PRKACB: variants seen among roughly 807,000 people sequenced by gnomAD.
PRKACB encodes the protein cAMP-dependent protein kinase catalytic subunit beta.
PRKACB carries 16 observed loss-of-function variants against 51.4 expected under a neutral mutation model. That is an observed-to-expected ratio of 0.31 (90% confidence interval 0.21 to 0.47). The LOEUF is 0.47. Ranked by LOEUF, PRKACB falls within the 20% of genes least tolerant of loss-of-function variation. The pLI is 1.00. For synonymous variants in PRKACB, 147 were observed against 154.4 expected (o/e 0.95, Z 0.35); for missense variants, 309 against 464.5 (o/e 0.67, Z 3.08).
chr1:84,212,068 T>C (rs1672214935), intron 8 of PRKACB, among the ~76,000 whole-genome samples: 2 of 152,216 alleles, frequency 1.3e-5, no homozygotes, highest in Admixed American at 1.3e-4. Flanking sequence ...TCTGGTATGA[T>C]AATGATTTCA....
chr1:84,136,884 C>T (rs949222909), intron 1 of PRKACB, among the ~76,000 whole-genome samples: 2 of 152,250 alleles, frequency 1.3e-5, no homozygotes, highest in South Asian at 2.1e-4. Flanking sequence ...TCCCCATAAT[C>T]GCCATGTGTC....
chr1:84,112,454 C>G (rs1041988434), intron 1 of PRKACB, among the ~76,000 whole-genome samples: 1 of 151,978 alleles, frequency 6.6e-6, no homozygotes, highest in Non-Finnish European at 1.5e-5. Flanking sequence ...CCAGGCTGGT[C>G]TCGAACTCCT....
At chr1:84,164,513 T>C (rs1656766726) in intron 1 of PRKACB, 4 of 1,497,766 alleles carry the variant, frequency 2.7e-6, no homozygotes, top group African/African-American at 1.4e-5. Flanking sequence ...ATCTGGTAAT[T>C]TATAATCATG....
chr1:84,177,406 T>C (rs913835136), intron 1 of PRKACB, among the ~76,000 whole-genome samples: 17 of 152,070 alleles, frequency 1.1e-4, no homozygotes, highest in Admixed American at 9.2e-4. Flanking sequence ...CATTCATTTT[T>C]AGAAGCAAGG....
rs189053390 is a variant in PRKACB, at chr1:84,156,629, C to A, written c.187+12081C>A. On this transcript the variant is annotated intron_variant, in intron 1 of 9. Transcript: ENST00000370685. ...TGAAATCTAGTCCAGGGATAGAAAA[C>A]CAGTGGTCTGTGAGCCAGATGCAAC... 2.0e-5 allele frequency among the ~76,000 whole-genome samples: 3 copies of A among 152,178 alleles called. No individual in the cohort carries two copies. In the East Asian group the frequency reaches 5.8e-4, roughly 29 times the overall value.
upstream of PRKACB, among the ~76,000 whole-genome samples, chr1:84,140,059 CAAGAAAAA>C (rs1195834256): frequency 6.7e-6 from 1 of 149,238 alleles, no homozygotes; most frequent in African/African-American, 2.5e-5. Context: ...GACTCCGTCT[CAAGAAAAA>C]AAGGAAAAAA....
rs1342229182 is a variant in PRKACB at position 84,219,353 on chromosome 1, T to C, written c.1071+5036T>C. Among the ~76,000 whole-genome samples the C allele has an allele frequency of 1.3e-5, 2 of 151,754 alleles. 1 individual carries two copies. On this transcript the variant is annotated intron_variant, in intron 9 of 9. Transcript: ENST00000370685. ...GATTCTTCTGCCTCAGCCTCCTGAG[T>C]AGCTGGGATTACAGGTGCCCACAAC... is the stretch of plus-strand genomic sequence containing the variant.
At chr1:84,211,004 G>A (rs531447455) in intron 8 of PRKACB, among the ~76,000 whole-genome samples, 1 of 151,952 alleles carries the variant, frequency 6.6e-6, no homozygotes, top group Non-Finnish European at 1.5e-5. Context: ...GAGAGTGTGG[G>A]CTACCTATGA....
chr1:84,227,415 G>A (rs1001438692), intron 9 of PRKACB, among the ~76,000 whole-genome samples: 33 of 151,894 alleles, frequency 2.2e-4, no homozygotes, highest in African/African-American at 8.0e-4. Context: ...ATATTCTTTA[G>A]ATTGCCTTGA....
rs186112334 is a variant in PRKACB, at chr1:84,129,505, T to C, written c.47-49672T>C. Among the ~76,000 whole-genome samples, 79 of 152,288 alleles carry C rather than the reference T, an allele frequency of 5.2e-4. 1 individual carries two copies. Among genetic ancestry groups the C allele is most frequent in the African/African-American group, 1.8e-3 (75 of 41,562 alleles). On this transcript the variant is annotated intron_variant, in intron 1 of 8. Coordinates refer to the PRKACB transcript ENST00000370688. Reference sequence around the variant, plus strand: ...AGTACTGTGACAAAAGTACTACAACTTTACTGTGGATTTACTCAGAAAAAT... The same window carrying C: ...AGTACTGTGACAAAAGTACTACAACCTTACTGTGGATTTACTCAGAAAAAT...
intron 9 of PRKACB, among the ~76,000 whole-genome samples, chr1:84,217,655 T>G (rs946642387): frequency 3.3e-5 from 5 of 152,110 alleles, no homozygotes; most frequent in Non-Finnish European, 7.3e-5. Flanking sequence ...ATTAGCCAGG[T>G]GTGGTAACAC....
At chr1:84,131,228 G>A (rs139641889) in intron 1 of PRKACB, among the ~76,000 whole-genome samples, 8 of 151,982 alleles carry the variant, frequency 5.3e-5, no homozygotes, top group South Asian at 2.1e-4. Context: ...GTGGTGGCGC[G>A]TGCCTGAAAT....
chr1:84,121,750 TTA>T (rs1651097089), intron 1 of PRKACB, among the ~76,000 whole-genome samples: 1 of 152,154 alleles, frequency 6.6e-6, no homozygotes, highest in Non-Finnish European at 1.5e-5. Flanking sequence ...TTAATCTCTG[TTA>T]GCTTCACAGT....
chr1:84,153,446 G>A (rs1401538833), intron 1 of PRKACB, among the ~76,000 whole-genome samples: 2 of 51,272 alleles, frequency 3.9e-5, no homozygotes, highest in East Asian at 9.6e-4. Context: ...GGGTGTGCCT[G>A]TATTAATGCA....
At chr1:84,210,035 ATC>A (rs1325894345) in intron 8 of PRKACB, among the ~76,000 whole-genome samples, 2 of 152,154 alleles carry the variant, frequency 1.3e-5, no homozygotes, top group Non-Finnish European at 2.9e-5. Context: ...TATCTTTGGT[ATC>A]TCTCCAGAGA....
At chr1:84,105,268 T>A (rs955889397) in intron 1 of PRKACB, among the ~76,000 whole-genome samples, 1 of 152,188 alleles carries the variant, frequency 6.6e-6, no homozygotes, top group Non-Finnish European at 1.5e-5. Flanking sequence ...GTCACTCCTC[T>A]CTTCTGGATG....
rs373013747 is a variant in PRKACB, at chr1:84,118,322, C to T, written c.46+39951C>T. ...TCTATTTATAGTATGATTATCTATT[C>T]ATAATTGTGGTTCTTCTTTCTGGAG... On this transcript the variant is annotated intron_variant, in intron 1 of 8. Coordinates refer to the PRKACB transcript ENST00000370688. 9.2e-5 allele frequency among the ~76,000 whole-genome samples: 14 copies of T among 152,062 alleles called. No homozygotes were observed. In the South Asian group the frequency reaches 2.9e-3, roughly 32 times the overall value.
intron 1 of PRKACB, among the ~76,000 whole-genome samples, chr1:84,145,976 A>C (rs1653999796): frequency 6.6e-6 from 1 of 152,022 alleles, no homozygotes; most frequent in African/African-American, 2.4e-5. Flanking sequence ...AAAGTGTCTC[A>C]AATAAATGAA....
At chr1:84,134,094 T>G (rs1349465437) in intron 1 of PRKACB, among the ~76,000 whole-genome samples, 3 of 152,108 alleles carry the variant, frequency 2.0e-5, no homozygotes, top group African/African-American at 7.2e-5. Context: ...GCTAGACTCT[T>G]CTCCAAAGTC....
Sources: gnomAD v4.1 joint callset for allele counts (sites outside exome capture counted in the v4.1 genomes callset) on GRCh38, gnomAD v4.1.1 for gene constraint, MANE v1.5 for transcripts, NCBI Gene and HGNC (gene_info 2026-07-23, HGNC 2026-07-21) for gene names.